The following CCSER2 variants were observed in gnomAD, a reference collection of about 807,000 sequenced individuals.
CCSER2 encodes the protein coiled-coil serine rich protein 2.
In CCSER2, 46 loss-of-function variants were observed where a neutral mutation model predicts 92.3. The observed-to-expected ratio is 0.50, with a 90% confidence interval of 0.39 to 0.64. The LOEUF is 0.64. Among genes scored for constraint, CCSER2 ranks in the 30% least tolerant of loss-of-function variants. The pLI is 0.00. For missense variants in CCSER2, 1,244 were observed against 1,238.9 expected (o/e 1.00, Z -0.06); for synonymous variants, 433 against 431.4 (o/e 1.00, Z -0.04).
At chr10:84,472,530 C>G (rs1443693651) in intron 8 of CCSER2, among the ~76,000 whole-genome samples, 1 of 152,080 alleles carries the variant, frequency 6.6e-6, no homozygotes, top group East Asian at 1.9e-4. Flanking sequence ...CAAGATCATG[C>G]CACTGCACTT....
intron 9 of CCSER2, among the ~76,000 whole-genome samples, chr10:84,512,367 AGTGTGTGTGTGTGTGT>A (rs141667701): frequency 1.1e-4 from 16 of 139,658 alleles, no homozygotes; most frequent in Non-Finnish European, 1.6e-5. Context: ...TTATTTAAAC[AGTGTGTGTGTGTGTGT>A]GTGTGTGTGT....
At chr10:84,425,467 T>C (rs1362989744) in intron 4 of CCSER2, among the ~76,000 whole-genome samples, 6 of 152,232 alleles carry the variant, frequency 3.9e-5, no homozygotes, top group African/African-American at 1.4e-4. Flanking sequence ...TTGCCTGTTT[T>C]AAAACAGTGT....
intron 6 of CCSER2, among the ~76,000 whole-genome samples, chr10:84,447,892 G>A (rs1000001388): frequency 1.3e-5 from 2 of 151,996 alleles, no homozygotes; most frequent in Non-Finnish European, 2.9e-5. Context: ...CTGCAGCCTC[G>A]ACCTCCTGGG....
At chr10:84,384,679 A>T (rs565894526) in intron 3 of CCSER2, among the ~76,000 whole-genome samples, 1 of 152,326 alleles carries the variant, frequency 6.6e-6, no homozygotes, top group East Asian at 1.9e-4. Context: ...TGAATAGGCA[A>T]AAGTTGAAAG....
At chr10:84,506,401 A>C (rs1849045335) in intron 9 of CCSER2, among the ~76,000 whole-genome samples, 1 of 152,328 alleles carries the variant, frequency 6.6e-6, no homozygotes. Context: ...TATTAGGGAT[A>C]CAAATTAAGT....
At chr10:84,426,015 G>A (rs898422540) in intron 5 of CCSER2, 122 bp downstream of exon 5, 1 of 553,546 alleles carries the variant, frequency 1.8e-6, no homozygotes, top group Non-Finnish European at 2.9e-6. Flanking sequence ...GCACCAAAAA[G>A]CACTTCAAGT....
intron 4 of CCSER2, among the ~76,000 whole-genome samples, chr10:84,418,522 T>C (rs981280025): frequency 6.6e-6 from 1 of 152,232 alleles, no homozygotes; most frequent in Non-Finnish European, 1.5e-5. Context: ...GGGAGAGGGC[T>C]GCCCTTAGAA....
At chr10:84,364,033 C>G (rs368762147) in intron 1 of CCSER2, among the ~76,000 whole-genome samples, 8 of 152,082 alleles carry the variant, frequency 5.3e-5, no homozygotes, top group African/African-American at 1.2e-4. Flanking sequence ...AATTGTTTAT[C>G]TAAAGTTATG....
At chr10:84,473,816 C>G (rs1846964664) in intron 8 of CCSER2, among the ~76,000 whole-genome samples, 1 of 152,094 alleles carries the variant, frequency 6.6e-6, no homozygotes, top group Non-Finnish European at 1.5e-5. Context: ...TTTCCATCAC[C>G]TCTCTCTAGT....
At chr10:84,503,434 T>C (rs1848876667) in intron 9 of CCSER2, among the ~76,000 whole-genome samples, 1 of 152,204 alleles carries the variant, frequency 6.6e-6, no homozygotes, top group Non-Finnish European at 1.5e-5. Context: ...ATTTGAGCTT[T>C]TGTACAAATT....
At position 84,513,228 on chromosome 10, in the gene CCSER2, T is replaced by C. The variant is rs1849456690; in HGVS notation, c.2326-221T>C. ...CTTTTTCTCATTTAATTTTGGATCT[T>C]GTTCAGTGTTTACTGCCTGTATCAT... On this transcript the variant is annotated intron_variant, in intron 9 of 9. Transcript: ENST00000372088. 2.0e-5 allele frequency among the ~76,000 whole-genome samples: 3 copies of C among 152,344 alleles called. No homozygotes were observed. The South Asian group carries it at 6.2e-4, about 32-fold the overall frequency.
At chr10:84,428,816 G>T (rs1199908522) in intron 5 of CCSER2, among the ~76,000 whole-genome samples, 1 of 151,958 alleles carries the variant, frequency 6.6e-6, no homozygotes, top group Non-Finnish European at 1.5e-5. Flanking sequence ...TCATGAAAGG[G>T]TGTTGGATTT....
chr10:84,330,563 A>G (rs1489375652), intron 1 of CCSER2, among the ~76,000 whole-genome samples: 1 of 152,080 alleles, frequency 6.6e-6, no homozygotes, highest in Non-Finnish European at 1.5e-5. Flanking sequence ...CCTGGGCTGG[A>G]GTGCAATGGC....
rs571594884 is a variant in CCSER2, at chr10:84,452,998, T to C, written c.2065-10935T>C. 1.6e-4 allele frequency among the ~76,000 whole-genome samples: 24 copies of C among 152,306 alleles called. No homozygotes were observed. In the South Asian group the frequency reaches 4.4e-3, roughly 28 times the overall value. ...CCTAATCTTTAAGGCTCTTGTGCTT[T>C]AATGGAAATAATAGCTTTTTTATCT... On this transcript the variant is annotated intron_variant, in intron 6 of 9. Coordinates refer to ENST00000372088, the MANE Select transcript of CCSER2 (RefSeq NM_001284240.2).
intron 8 of CCSER2, among the ~76,000 whole-genome samples, chr10:84,474,548 C>T (rs2133727473): frequency 6.6e-6 from 1 of 151,694 alleles, no homozygotes; most frequent in South Asian, 2.1e-4. Flanking sequence ...GTAGTCTCAG[C>T]TACTCAGGAG....
chr10:84,424,137 T>C (rs1404888899), intron 4 of CCSER2, among the ~76,000 whole-genome samples: 1 of 152,078 alleles, frequency 6.6e-6, no homozygotes, highest in African/African-American at 2.4e-5. Flanking sequence ...GGGTGACAGA[T>C]TGAGAACCTG....
intron 1 of CCSER2, among the ~76,000 whole-genome samples, chr10:84,346,141 C>T (rs1372831094): frequency 3.9e-5 from 6 of 152,098 alleles, no homozygotes; most frequent in East Asian, 1.9e-4. Context: ...CTCGGCTCAC[C>T]GCAACCTCTG....
chr10:84,410,296 G>A (rs781518571), intron 3 of CCSER2, among the ~76,000 whole-genome samples: 18 of 151,906 alleles, frequency 1.2e-4, no homozygotes, highest in Admixed American at 7.9e-4. Context: ...GGGATTACTG[G>A]GTCAAATGGC....
intron 9 of CCSER2, among the ~76,000 whole-genome samples, chr10:84,506,163 G>A (rs1342006730): frequency 1.3e-5 from 2 of 148,230 alleles, no homozygotes; most frequent in Admixed American, 6.7e-5. Flanking sequence ...AACCAAACCC[G>A]TTAACTGGTC....
Sources: allele counts gnomAD v4.1 joint callset (sites outside exome capture counted in the v4.1 genomes callset), GRCh38; gene constraint gnomAD v4.1.1; transcripts MANE v1.5; gene names NCBI Gene and HGNC (gene_info 2026-07-23, HGNC 2026-07-21).